The following ZNF100 variants were observed in gnomAD, a reference collection of about 807,000 sequenced individuals.
ZNF100 encodes the protein zinc finger protein 100 (Y1).
ZNF100 carries 12 observed loss-of-function variants against 15.8 expected under a neutral mutation model. The observed-to-expected ratio is 0.76, with a 90% CI of 0.49 to 1.23. ZNF100 has a LOEUF of 1.23. ZNF100 is among the 50% of genes most tolerant of loss of function. ZNF100 has a pLI of 0.00. For synonymous variants in ZNF100, 226 were observed against 214.8 expected (o/e 1.05, Z -0.45); for missense variants, 670 against 635.6 (o/e 1.05, Z -0.58).
At chr19:21,746,919 A>G (rs113832044) in intron 2 of ZNF100, 12,012 of 152,222 alleles carry the variant, frequency 0.079, 549 homozygotes, top group Middle Eastern at 0.15. Flanking sequence ...ATCTTGAGAA[A>G]ACTGCCTTAA....
In ZNF100 at chr19:21,724,682, CAAA is replaced by C. The variant is rs2035743457; in HGVS notation, c.*1998_*2000del. ...ATTATTATATACTGTATTCTTGTAT[CAAA>C]ATATGCCATATATTGCATGAATATA... On this transcript the variant is annotated 3_prime_UTR_variant, in exon 5 of 5. Coordinates refer to ENST00000358296, the MANE Select transcript of ZNF100 (RefSeq NM_173531.4). 6.6e-6 allele frequency: 1 copy of C among 152,018 alleles called. No individual in the cohort carries two copies. Among genetic ancestry groups the C allele is most frequent in the African/African-American group, 2.4e-5 (1 of 41,380 alleles). The allele number at this position is 152,018 out of a possible 1,614,324, so 9.4% of individuals were successfully genotyped here.
intron 2 of ZNF100, among the ~76,000 whole-genome samples, chr19:21,749,858 C>T (rs1368748602): frequency 6.6e-6 from 1 of 152,198 alleles, no homozygotes; most frequent in Admixed American, 6.5e-5. Flanking sequence ...GTTTTCAGTA[C>T]ATTCTCAATC....
intron 2 of ZNF100, chr19:21,750,969 C>T (rs1380425816): frequency 4.0e-6 from 4 of 998,764 alleles, no homozygotes; most frequent in African/African-American, 3.3e-5. Context: ...GATGCGGTGG[C>T]GGTAGCGCCC....
At chr19:21,732,314 G>C in intron 4 of ZNF100, among the ~76,000 whole-genome samples, 1 of 152,184 alleles carries the variant, frequency 6.6e-6, no homozygotes, top group East Asian at 1.9e-4. Context: ...ATTCACAACA[G>C]ATATTGAAAT....
At chr19:21,731,298 T>C (rs574314621) in intron 4 of ZNF100, among the ~76,000 whole-genome samples, 2 of 151,158 alleles carry the variant, frequency 1.3e-5, no homozygotes, top group Admixed American at 6.6e-5. Context: ...TTCCTTTTTC[T>C]TTCCTTTTTT....
chr19:21,747,885 G>C (rs1467296826), intron 2 of ZNF100, among the ~76,000 whole-genome samples: 3 of 152,156 alleles, frequency 2.0e-5, no homozygotes, highest in Non-Finnish European at 4.4e-5. Flanking sequence ...TAACACATTG[G>C]AAGTTGATAC....
At chr19:21,735,721 CAAGG>C (rs1568295472) in intron 4 of ZNF100, among the ~76,000 whole-genome samples, 1 of 152,084 alleles carries the variant, frequency 6.6e-6, no homozygotes, top group African/African-American at 2.4e-5. Flanking sequence ...TCAAAAAAGA[CAAGG>C]AAGGACACTA....
intron 2 of ZNF100, among the ~76,000 whole-genome samples, chr19:21,754,476 A>G (rs1010261641): frequency 5.9e-5 from 9 of 152,224 alleles, no homozygotes; most frequent in Non-Finnish European, 8.8e-5. Context: ...GAGACCTCAG[A>G]AATACCACCA....
intron 4 of ZNF100, among the ~76,000 whole-genome samples, chr19:21,742,145 A>G (rs2036120528): frequency 6.6e-6 from 1 of 151,932 alleles, no homozygotes; most frequent in Admixed American, 6.6e-5. Context: ...ACAATAGAAA[A>G]AATTACCCAG....
chr19:21,730,742 CAT>C (rs771816936), intron 4 of ZNF100, among the ~76,000 whole-genome samples: 16 of 152,138 alleles, frequency 1.1e-4, no homozygotes, highest in East Asian at 5.8e-4. Flanking sequence ...TAATAGACCA[CAT>C]GTTAGGCCAA....
At chr19:21,754,934 T>C (rs1027677870) in intron 2 of ZNF100, among the ~76,000 whole-genome samples, 5 of 152,142 alleles carry the variant, frequency 3.3e-5, no homozygotes, top group African/African-American at 7.2e-5. Flanking sequence ...AAGGAACTTA[T>C]ACAAATTTAA....
chr19:21,738,333 C>G (rs952762247), intron 4 of ZNF100, among the ~76,000 whole-genome samples: 2 of 143,778 alleles, frequency 1.4e-5, no homozygotes, highest in Admixed American at 7.0e-5. Flanking sequence ...AATGTGGAAC[C>G]CAAAAAGGCC....
intron 2 of ZNF100, among the ~76,000 whole-genome samples, chr19:21,756,842 T>TACA (rs2036399989): frequency 6.6e-6 from 1 of 152,116 alleles, no homozygotes; most frequent in South Asian, 2.1e-4. Context: ...CAAACTACAC[T>TACA]ACAGGGCTAC....
chr19:21,729,877 T>G (rs1470671219), intron 4 of ZNF100, among the ~76,000 whole-genome samples: 1 of 152,074 alleles, frequency 6.6e-6, no homozygotes, highest in Non-Finnish European at 1.5e-5. Flanking sequence ...AAAATGTGCA[T>G]GCAACTGAAG....
intron 2 of ZNF100, 85 bp downstream of exon 2, chr19:21,765,609 G>T: frequency 1.6e-6 from 2 of 1,218,106 alleles, no homozygotes; most frequent in Non-Finnish European, 2.4e-6. Flanking sequence ...CTCAATACCA[G>T]CATCTGATTG....
At chr19:21,756,807 C>G (rs1449798403) in intron 2 of ZNF100, among the ~76,000 whole-genome samples, 1 of 152,112 alleles carries the variant, frequency 6.6e-6, no homozygotes, top group Non-Finnish European at 1.5e-5. Context: ...AAGAACAAAG[C>G]TGGAGGTATT....
chr19:21,727,464 T>A lies in ZNF100; in HGVS notation c.848A>T (p.His283Leu), dbSNP rs754247948. The change falls in exon 5 of 5, where the codon CAT (histidine) becomes CTT (leucine). Residue 283 changes from histidine (H) to leucine (L), a missense_variant. His to Leu is a moderately conservative substitution (Grantham distance 99). Coordinates refer to ENST00000358296, the MANE Select transcript of ZNF100 (RefSeq NM_173531.4). ...ACATCTGTATGGTTTCTCTCCAGTA[T>A]GAATTATCTTATGTGTAGTAAGGTG... ...SSHLTTHKII[H>L]TGEKPYRCEE... 1 of 1,613,298 alleles carries A rather than the reference T, an allele frequency of 6.2e-7. No homozygotes were observed. Among genetic ancestry groups the A allele is most frequent in the Non-Finnish European group, 8.5e-7 (1 of 1,179,798 alleles).
chr19:21,767,507 G>C lies in ZNF100; in HGVS notation c.-78C>G, dbSNP rs1181034239. Reference sequence around the variant, plus strand: ...GCAGGTCAGAGGGCCACACAGGCTAGGCCCCTAGGAGCAGAAGACACAGAG... The same window carrying C: ...GCAGGTCAGAGGGCCACACAGGCTACGCCCCTAGGAGCAGAAGACACAGAG... On this transcript the variant is annotated 5_prime_UTR_variant, in exon 1 of 5. Coordinates refer to ENST00000358296, the MANE Select transcript of ZNF100 (RefSeq NM_173531.4). 1.9e-6 allele frequency: 3 copies of C among 1,601,256 alleles called. No individual in the cohort carries two copies. The highest frequency in any genetic ancestry group is 1.3e-5 in the African/African-American group (1 of 74,460).
intron 4 of ZNF100, among the ~76,000 whole-genome samples, chr19:21,729,079 G>C (rs1381549180): frequency 6.6e-6 from 1 of 151,948 alleles, no homozygotes; most frequent in East Asian, 1.9e-4. Context: ...AATTTCAAAA[G>C]TCACAGACAA....
Sources: gnomAD v4.1 joint callset for allele counts (sites outside exome capture counted in the v4.1 genomes callset) on GRCh38, gnomAD v4.1.1 for gene constraint, MANE v1.5 for transcripts, NCBI Gene and HGNC (gene_info 2026-07-23, HGNC 2026-07-21) for gene names.